KCNMB2: variants seen among roughly 807,000 people sequenced by gnomAD.
The protein encoded by KCNMB2 is calcium-activated potassium channel subunit beta-2.
KCNMB2 carries 9 observed loss-of-function variants against 24.5 expected under a neutral mutation model. The observed-to-expected ratio is 0.37, with a 90% confidence interval of 0.22 to 0.64. The LOEUF (loss-of-function observed/expected upper bound fraction) is 0.64. Ranked by LOEUF, KCNMB2 falls within the 30% of genes least tolerant of loss-of-function variation. The pLI is 0.63. For missense variants in KCNMB2, 226 were observed against 284.3 expected (o/e 0.79, Z 1.47); for synonymous variants, 109 against 104.4 (o/e 1.04, Z -0.27).
At position 178,602,028 on chromosome 3, in the gene KCNMB2, A is replaced by G. The variant is rs565244726; in HGVS notation, c.-68+65317A>G. 1.6e-3 allele frequency among the ~76,000 whole-genome samples: 246 copies of G among 152,298 alleles called. 1 individual carries two copies. Among genetic ancestry groups the G allele is most frequent in the African/African-American group, 5.6e-3 (234 of 41,578 alleles). ...ACAGGCTTCTGCATGATTTTTCCTC[A>G]ACAGGTTTATTGACTGCCTTGACAT... is the stretch of plus-strand genomic sequence containing the variant. On this transcript the variant is annotated intron_variant, in intron 1 of 4. Transcript: ENST00000452583.
chr3:178,659,781 T>C (rs1356510247), intron 1 of KCNMB2, among the ~76,000 whole-genome samples: 1 of 152,242 alleles, frequency 6.6e-6, no homozygotes, highest in Non-Finnish European at 1.5e-5. Context: ...ATAGTGTGTG[T>C]AGCACATGGC....
chr3:178,573,696 AT>A (rs1716889342), intron 1 of KCNMB2, among the ~76,000 whole-genome samples: 1 of 145,884 alleles, frequency 6.9e-6, no homozygotes, highest in African/African-American at 2.6e-5. Flanking sequence ...GAAGTGAACC[AT>A]GATTGTGCCA....
At chr3:178,697,572 T>C (rs995433216) in intron 1 of KCNMB2, among the ~76,000 whole-genome samples, 1 of 152,222 alleles carries the variant, frequency 6.6e-6, no homozygotes, top group Non-Finnish European at 1.5e-5. Flanking sequence ...TACCTCTCTA[T>C]GCCTTTTATT....
intron 1 of KCNMB2, among the ~76,000 whole-genome samples, chr3:178,764,895 T>G (rs1309664851): frequency 6.6e-6 from 1 of 152,170 alleles, no homozygotes; most frequent in Non-Finnish European, 1.5e-5. Context: ...AAATAGCTAT[T>G]TAACTCACTC....
intron 1 of KCNMB2, among the ~76,000 whole-genome samples, chr3:178,690,126 C>A (rs1048860815): frequency 6.6e-6 from 1 of 152,080 alleles, no homozygotes; most frequent in Non-Finnish European, 1.5e-5. Context: ...CTGTATTATG[C>A]CATCACCAAA....
At chr3:178,614,046 G>T (rs1718591154) in intron 1 of KCNMB2, among the ~76,000 whole-genome samples, 1 of 149,550 alleles carries the variant, frequency 6.7e-6, no homozygotes, top group South Asian at 2.1e-4. Flanking sequence ...CTTTCTTCAG[G>T]CTCACGAATT....
intron 1 of KCNMB2, among the ~76,000 whole-genome samples, chr3:178,788,765 A>C (rs1713205988): frequency 1.3e-5 from 2 of 152,204 alleles, no homozygotes; most frequent in South Asian, 4.1e-4. Flanking sequence ...GCAATGCAAA[A>C]CTTATTTTAT....
At chr3:178,770,117 T>C (rs746361552) in intron 1 of KCNMB2, among the ~76,000 whole-genome samples, 11 of 152,254 alleles carry the variant, frequency 7.2e-5, no homozygotes, top group Non-Finnish European at 1.5e-4. Flanking sequence ...GGGCTGTTTC[T>C]GCATAATTTA....
chr3:178,577,642 C>T (rs1560116256), intron 1 of KCNMB2, among the ~76,000 whole-genome samples: 1 of 152,120 alleles, frequency 6.6e-6, no homozygotes, highest in Non-Finnish European at 1.5e-5. Context: ...AGAGGAATTG[C>T]TAACTAGAAT....
chr3:178,558,462 CAA>C (rs1460462238), intron 1 of KCNMB2, among the ~76,000 whole-genome samples: 1 of 152,280 alleles, frequency 6.6e-6, no homozygotes, highest in African/African-American at 2.4e-5. Flanking sequence ...ATCTGTAAAA[CAA>C]GATGAATAAG....
chr3:178,843,168 T>C lies in KCNMB2; in HGVS notation c.*231T>C, dbSNP rs1441952666. On this transcript the variant is annotated 3_prime_UTR_variant, in exon 5 of 5. Transcript: ENST00000452583. ...TTGGTGGTTTTCATAATCTTATTTC[T>C]GTACTGGAACTAGTACTTTCTTCTC... The C allele has an allele frequency of 3.3e-6, 2 of 607,770 alleles. No individual in the cohort carries two copies. The highest frequency in any genetic ancestry group is 6.1e-6 in the Non-Finnish European group (2 of 325,764). The allele number at this position is 607,770 out of a possible 1,614,324, so 37.6% of individuals were successfully genotyped here.
At chr3:178,809,660 A>C (rs921570661) in intron 2 of KCNMB2, among the ~76,000 whole-genome samples, 1 of 152,268 alleles carries the variant, frequency 6.6e-6, no homozygotes, top group African/African-American at 2.4e-5. Flanking sequence ...ATGTTAAAAT[A>C]GAGTTGGATA....
intron 1 of KCNMB2, among the ~76,000 whole-genome samples, chr3:178,744,601 T>C (rs528338677): frequency 1.7e-3 from 263 of 152,220 alleles, no homozygotes; most frequent in Middle Eastern, 3.4e-3. Flanking sequence ...TTCTTCAAGA[T>C]AGAGCAAGGG....
chr3:178,689,359 G>A (rs1721586113), intron 1 of KCNMB2, among the ~76,000 whole-genome samples: 1 of 152,094 alleles, frequency 6.6e-6, no homozygotes, highest in Non-Finnish European at 1.5e-5. Context: ...TTATAAGCCG[G>A]GCACAGTGGT....
At chr3:178,790,307 T>C (rs911744932) in intron 1 of KCNMB2, among the ~76,000 whole-genome samples, 1 of 152,100 alleles carries the variant, frequency 6.6e-6, no homozygotes, top group African/African-American at 2.4e-5. Context: ...AGGGTCATGC[T>C]GGCTTTAAGT....
intron 1 of KCNMB2, among the ~76,000 whole-genome samples, chr3:178,689,225 G>A (rs1201278857): frequency 6.6e-6 from 1 of 152,112 alleles, no homozygotes; most frequent in Non-Finnish European, 1.5e-5. Context: ...TGATAATGAT[G>A]AGCATCTTTA....
chr3:178,701,217 C>A (rs1722080120), intron 1 of KCNMB2, among the ~76,000 whole-genome samples: 2 of 152,160 alleles, frequency 1.3e-5, no homozygotes, highest in South Asian at 4.1e-4. Flanking sequence ...ATAGGGAATC[C>A]TTTCCCCATT....
intron 1 of KCNMB2, among the ~76,000 whole-genome samples, chr3:178,641,340 T>C (rs1403782082): frequency 6.6e-6 from 1 of 152,146 alleles, no homozygotes; most frequent in Non-Finnish European, 1.5e-5. Flanking sequence ...TATCTCTACA[T>C]TTATTTTGAT....
intron 1 of KCNMB2, among the ~76,000 whole-genome samples, chr3:178,732,103 T>C (rs113580230): frequency 0.015 from 2,314 of 151,978 alleles, 69 homozygotes; most frequent in African/African-American, 0.053. Flanking sequence ...CGAGAGAAAA[T>C]GTACAGATTA....
Sources: allele counts gnomAD v4.1 joint callset (sites outside exome capture counted in the v4.1 genomes callset), GRCh38; gene constraint gnomAD v4.1.1; transcripts MANE v1.5; gene names NCBI Gene and HGNC (gene_info 2026-07-23, HGNC 2026-07-21).